LMO7: variants seen among roughly 807,000 people sequenced by gnomAD.
LMO7 encodes LIM domain only protein 7.
Under a neutral mutation model 206.5 loss-of-function variants are expected in LMO7, and 120 were observed. The observed-to-expected ratio is 0.58, with a 90% CI of 0.50 to 0.68. LMO7 has a LOEUF of 0.68. Ranked by LOEUF, LMO7 falls within the 30% of genes least tolerant of loss-of-function variation. The probability of loss-of-function intolerance (pLI) is 0.00; values close to 1 mark genes in which losing one functional copy is unlikely to be tolerated. For missense variants in LMO7, 1,959 were observed against 1,957.9 expected (o/e 1.00, Z -0.01); for synonymous variants, 706 against 681.5 (o/e 1.04, Z -0.56).
At chr13:75,794,504 T>C (rs1212048765) in intron 4 of LMO7, among the ~76,000 whole-genome samples, 1 of 152,232 alleles carries the variant, frequency 6.6e-6, no homozygotes, top group African/African-American at 2.4e-5. Context: ...TGTTTTATGT[T>C]GATGTCTTCT....
At chr13:75,765,166 C>G (rs1479752251) in intron 4 of LMO7, among the ~76,000 whole-genome samples, 1 of 152,046 alleles carries the variant, frequency 6.6e-6, no homozygotes, top group African/African-American at 2.4e-5. Flanking sequence ...GAATCAGGTT[C>G]CCAGATGGCA....
chr13:75,728,364 G>C lies in LMO7; in HGVS notation c.210+1266G>C, dbSNP rs979408641. On this transcript the variant is annotated intron_variant, in intron 3 of 30. Transcript: ENST00000377534. ...CATTGTGGTTTTGATTTGCATTTCTGTGATGGCCAGTGATGATGAGTATTT... is the reference window on the plus strand; with the variant it reads ...CATTGTGGTTTTGATTTGCATTTCTCTGATGGCCAGTGATGATGAGTATTT... Among the ~76,000 whole-genome samples, 650 of 152,262 alleles carry C rather than the reference G, an allele frequency of 4.3e-3. 6 individuals carry two copies. The highest frequency in any genetic ancestry group is 0.015 in the African/African-American group (606 of 41,546).
chr13:75,680,297 A>G (rs111439095), intron 1 of LMO7, among the ~76,000 whole-genome samples: 62,585 of 152,102 alleles, frequency 0.41, 14,019 homozygotes, highest in Middle Eastern at 0.53. Context: ...CCAGTCTATC[A>G]TTGATGGGCA....
upstream of LMO7, among the ~76,000 whole-genome samples, chr13:75,632,862 G>GT (rs10690832): frequency 2.9e-4 from 30 of 102,146 alleles, no homozygotes; most frequent in African/African-American, 9.2e-4. Flanking sequence ...TTACTTAAAA[G>GT]TTTTTTTTTT....
chr13:75,851,399 C>T (rs1315043198), intron 27 of LMO7, among the ~76,000 whole-genome samples: 1 of 152,158 alleles, frequency 6.6e-6, no homozygotes, highest in Non-Finnish European at 1.5e-5. Context: ...TATGTGCTTG[C>T]ATATGTGAGA....
intron 28 of LMO7, among the ~76,000 whole-genome samples, chr13:75,853,869 G>T (rs576580555): frequency 1.3e-5 from 2 of 152,340 alleles, no homozygotes; most frequent in African/African-American, 2.4e-5. Flanking sequence ...TCGTCTGGGG[G>T]ACTTCTGACT....
chr13:75,852,512 TA>T (rs899190243), intron 27 of LMO7, among the ~76,000 whole-genome samples: 1 of 151,888 alleles, frequency 6.6e-6, no homozygotes, highest in Non-Finnish European at 1.5e-5. Context: ...GAAAACAGAT[TA>T]AAAAAAAGAA....
intron 6 of LMO7, among the ~76,000 whole-genome samples, chr13:75,797,228 C>CT (rs1398240007): frequency 1.3e-5 from 2 of 152,216 alleles, no homozygotes; most frequent in Non-Finnish European, 2.9e-5. Context: ...CATGCCGCCT[C>CT]TGTTTCCTAA....
intron 15 of LMO7, among the ~76,000 whole-genome samples, chr13:75,830,260 G>A (rs985834064): frequency 5.9e-5 from 9 of 152,148 alleles, no homozygotes; most frequent in African/African-American, 2.2e-4. Context: ...CCTGGGATTG[G>A]ACAGAGATGC....
At chr13:75,686,218 AAAG>A (rs1462436727) in intron 1 of LMO7, among the ~76,000 whole-genome samples, 5 of 152,120 alleles carry the variant, frequency 3.3e-5, no homozygotes, top group Admixed American at 6.5e-5. Flanking sequence ...GCAATTTCCA[AAAG>A]AAGATTATTG....
chr13:75,658,716 TGGG>T (rs1013773761), intron 1 of LMO7, among the ~76,000 whole-genome samples: 3 of 152,064 alleles, frequency 2.0e-5, no homozygotes, highest in Admixed American at 2.0e-4. Flanking sequence ...CCCGAGTAGC[TGGG>T]ACTACAGGCG....
intron 1 of LMO7, among the ~76,000 whole-genome samples, chr13:75,706,955 G>T (rs1172780796): frequency 2.0e-5 from 3 of 151,910 alleles, no homozygotes; most frequent in African/African-American, 7.3e-5. Context: ...CTAGTGAAAT[G>T]GAGATAATAA....
At position 75,834,235 on chromosome 13, in the gene LMO7, C is replaced by A. The variant is rs534804134; in HGVS notation, c.3074C>A (p.Ala1025Glu). Reference sequence around the variant, plus strand: ...TATTTTGCATTTTTAGGTAGCCCAGCAGAATTTTCTCAGCTACAAGTAGAT... The same window carrying A: ...TATTTTGCATTTTTAGGTAGCCCAGAAGAATTTTCTCAGCTACAAGTAGAT... ...FVASVEAGSP[A>E]EFSQLQVDDE... The change falls in exon 17 of 31, where the codon GCA (alanine) becomes GAA (glutamate). Residue 1025 changes from alanine (A) to glutamate (E), a missense_variant. Ala to Glu is a moderately radical substitution (Grantham distance 107, BLOSUM62 -1). Coordinates refer to ENST00000377534, the MANE Select transcript of LMO7 (RefSeq NM_001306080.2). 2 of 1,588,082 alleles carry A rather than the reference C, an allele frequency of 1.3e-6. No individual in the cohort carries two copies. Among genetic ancestry groups the A allele is most frequent in the South Asian group, 2.3e-5 (2 of 86,228 alleles).
intron 1 of LMO7, among the ~76,000 whole-genome samples, chr13:75,661,812 T>C (rs943876734): frequency 1.3e-5 from 2 of 152,234 alleles, no homozygotes; most frequent in Admixed American, 6.5e-5. Context: ...GTAAAATCTT[T>C]CCTTCTTTAT....
chr13:75,856,594 A>G lies in LMO7; in HGVS notation c.4859A>G (p.Tyr1620Cys), dbSNP rs2060978250. 6.2e-7 allele frequency: 1 copy of G among 1,601,972 alleles called. No individual in the cohort carries two copies. The highest frequency in any genetic ancestry group is 8.6e-7 in the Non-Finnish European group (1 of 1,169,254). Residue 1620 changes from tyrosine to cysteine, a missense_variant, in exon 30 of 31, where the codon TAT becomes TGT. By Grantham distance (194) the Tyr-to-Cys change is radical. Coordinates refer to ENST00000377534, the MANE Select transcript of LMO7 (RefSeq NM_001306080.2). ...RNHQLYCNDC[Y>C]LRFKSGRPTA... ...CACCAACTGTACTGCAACGACTGCT[A>G]TCTCAGATTCAAATGTAAGAGAGCA...
chr13:75,651,638 G>C (rs2037578422), intron 1 of LMO7, among the ~76,000 whole-genome samples: 1 of 152,172 alleles, frequency 6.6e-6, no homozygotes, highest in Admixed American at 6.5e-5. Context: ...TCGTTATTCA[G>C]TTTAGTTACA....
intron 1 of LMO7, among the ~76,000 whole-genome samples, chr13:75,696,428 T>G (rs1230900512): frequency 6.6e-6 from 1 of 152,162 alleles, no homozygotes; most frequent in Non-Finnish European, 1.5e-5. Context: ...GATGATTTAG[T>G]ACAAATTGTT....
rs368669150 is a variant in LMO7, at chr13:75,853,217, A to G, written c.4490A>G (p.Gln1497Arg). ...CAAGACTTTAGTCGCCCACCACCTCAGCTGGTGTCCACATCAAACCGTGCC... is the reference window on the plus strand; with the variant it reads ...CAAGACTTTAGTCGCCCACCACCTCGGCTGGTGTCCACATCAAACCGTGCC... ...SVQDFSRPPP[Q>R]LVSTSNRAYM... is the part of the protein sequence containing the mutation. The change falls in exon 28 of 31, where the codon CAG becomes CGG. Residue 1497 changes from glutamine to arginine, a missense_variant. Transcript: ENST00000377534. The G allele has an allele frequency of 8.7e-6, 14 of 1,613,966 alleles. No homozygotes were observed. The highest frequency in any genetic ancestry group is 1.2e-5 in the Non-Finnish European group (14 of 1,179,998).
At chr13:75,814,018 G>A (rs2056729683) in intron 11 of LMO7, among the ~76,000 whole-genome samples, 1 of 152,072 alleles carries the variant, frequency 6.6e-6, no homozygotes, top group Non-Finnish European at 1.5e-5. Flanking sequence ...TGACTTACGT[G>A]AATCTATATT....
Sources: gnomAD v4.1 joint callset for allele counts (sites outside exome capture counted in the v4.1 genomes callset) on GRCh38, gnomAD v4.1.1 for gene constraint, MANE v1.5 for transcripts, NCBI Gene and HGNC (gene_info 2026-07-23, HGNC 2026-07-21) for gene names.